The following PDE6D variants were observed in gnomAD, a reference collection of about 807,000 sequenced individuals.
PDE6D encodes the protein retinal rod rhodopsin-sensitive cGMP 3',5'-cyclic phosphodiesterase subunit delta.
Under a neutral mutation model 21.9 loss-of-function variants are expected in PDE6D, and 10 were observed. The observed-to-expected ratio is 0.46, with a 90% CI of 0.28 to 0.78. PDE6D has a LOEUF of 0.78. PDE6D is among the 30% of genes least tolerant of loss of function. The pLI is 0.12. For synonymous variants in PDE6D, 59 were observed against 63.5 expected (o/e 0.93, Z 0.34); for missense variants, 139 against 184.8 (o/e 0.75, Z 1.44).
chr2:231,746,517 C>T (rs1380322817), intron 1 of PDE6D, among the ~76,000 whole-genome samples: 1 of 152,152 alleles, frequency 6.6e-6, no homozygotes, highest in African/African-American at 2.4e-5. Context: ...AGATTGGACA[C>T]TCCTGTTAAA....
chr2:231,781,015 G>C, intron 1 of PDE6D, 50 bp downstream of exon 1: 1 of 1,535,892 alleles, frequency 6.5e-7, no homozygotes. Flanking sequence ...TCCTCAGTGA[G>C]CGGCCGCCTC....
intron 1 of PDE6D, among the ~76,000 whole-genome samples, chr2:231,765,171 G>C (rs1004629621): frequency 7.9e-5 from 12 of 151,834 alleles, no homozygotes; most frequent in African/African-American, 2.2e-4. Context: ...TACTCAGAAA[G>C]CTGAGGCAGG....
At chr2:231,770,755 C>T (rs544021524) in intron 1 of PDE6D, among the ~76,000 whole-genome samples, 17 of 152,214 alleles carry the variant, frequency 1.1e-4, no homozygotes, top group African/African-American at 3.1e-4. Flanking sequence ...GAGTTTGAGA[C>T]GGGTCTGGCC....
At chr2:231,775,508 A>T (rs1437381707) in intron 1 of PDE6D, among the ~76,000 whole-genome samples, 2 of 135,340 alleles carry the variant, frequency 1.5e-5, no homozygotes, top group African/African-American at 5.5e-5. Flanking sequence ...TTTTTTGTAG[A>T]GGCGGGGTCT....
At position 231,732,799 on chromosome 2, in the gene PDE6D, C is replaced by T; in HGVS notation, c.*153G>A. Reference sequence around the variant, plus strand: ...AAAAAGAGCCATCTGGTTACCTACACAGAGCTGGTCCCCTGGTGGCTGCAG... The same window carrying T: ...AAAAAGAGCCATCTGGTTACCTACATAGAGCTGGTCCCCTGGTGGCTGCAG... On this transcript the variant is annotated 3_prime_UTR_variant, in exon 5 of 5. Coordinates refer to ENST00000287600, the MANE Select transcript of PDE6D (RefSeq NM_002601.4). The T allele has an allele frequency of 1.6e-6, 1 of 633,350 alleles. No individual in the cohort carries two copies. The highest frequency in any genetic ancestry group is 2.6e-5 in the East Asian group (1 of 38,484). The allele number at this position is 633,350 out of a possible 1,614,324, so 39.2% of individuals were successfully genotyped here.
intron 1 of PDE6D, among the ~76,000 whole-genome samples, chr2:231,780,790 G>C (rs1225675378): frequency 6.6e-6 from 1 of 152,028 alleles, no homozygotes; most frequent in Non-Finnish European, 1.5e-5. Flanking sequence ...TCCGACGCCC[G>C]GCACCTCTCG....
In PDE6D at chr2:231,775,446, C is replaced by T. The variant is rs1388414683; in HGVS notation, c.50+5619G>A. ...CACCTCAGCCTCCCAGTAGCTGGGA[C>T]CACAAGCATGCACCACCACACCTGG... On this transcript the variant is annotated intron_variant, in intron 1 of 4. Transcript: ENST00000287600. Among the ~76,000 whole-genome samples the T allele has an allele frequency of 3.3e-5, 5 of 151,390 alleles. No homozygotes were observed. The East Asian group carries it at 7.8e-4, about 24-fold the overall frequency.
At chr2:231,756,879 CAAA>C (rs60172790) in intron 1 of PDE6D, among the ~76,000 whole-genome samples, 1 of 134,200 alleles carries the variant, frequency 7.5e-6, no homozygotes, top group South Asian at 2.3e-4. Flanking sequence ...TTTAAGTGCT[CAAA>C]AAAAAAAAAA....
chr2:231,754,727 C>T (rs926915647), intron 1 of PDE6D, among the ~76,000 whole-genome samples: 2 of 151,004 alleles, frequency 1.3e-5, no homozygotes, highest in African/African-American at 4.9e-5. Flanking sequence ...TGCAGCAAAA[C>T]TTATTCCAAA....
Position 231,781,082 on chromosome 2 carries a change from G to T in PDE6D, c.33C>A (p.Ile11=). 1 of 1,613,452 alleles carries T rather than the reference G, an allele frequency of 6.2e-7. No individual in the cohort carries two copies. Among genetic ancestry groups the T allele is most frequent in the Non-Finnish European group, 8.5e-7 (1 of 1,179,716 alleles). The part of the protein sequence containing the change: MSAKDERARE[I]LRGFKLNWMN... ...ACGGATACAGTTTGAAGCCCCTCAG[G>T]ATCTCCCTGGCCCGCTCGTCCTTGG... The change falls in exon 1 of 5, where the codon ATC becomes ATA. Residue 11 remains isoleucine, a synonymous_variant. Coordinates refer to ENST00000287600, the MANE Select transcript of PDE6D (RefSeq NM_002601.4).
At chr2:231,758,187 G>A (rs2048898263) in intron 1 of PDE6D, among the ~76,000 whole-genome samples, 1 of 152,186 alleles carries the variant, frequency 6.6e-6, no homozygotes, top group Non-Finnish European at 1.5e-5. Context: ...CAGATAGGTA[G>A]ATAGATAGTG....
intron 1 of PDE6D, among the ~76,000 whole-genome samples, chr2:231,746,433 G>A (rs2048794600): frequency 2.6e-5 from 4 of 152,150 alleles, no homozygotes; most frequent in Admixed American, 2.6e-4. Flanking sequence ...ATGAGCCACA[G>A]TGCCTGGCCC....
intron 1 of PDE6D, among the ~76,000 whole-genome samples, chr2:231,759,299 A>G (rs1217197522): frequency 6.6e-6 from 1 of 152,094 alleles, no homozygotes; most frequent in Non-Finnish European, 1.5e-5. Context: ...CTGGGCGACA[A>G]AGTGAGACCC....
chr2:231,737,184 C>G lies in PDE6D; in HGVS notation c.371+3G>C. ...CATAATTTCCTGAGACCTGCTCACT[C>G]ACGTTAAGACGCTTGCTGGCATCAT... On this transcript the variant is annotated splice_donor_region_variant and intron_variant, in intron 4 of 4. Coordinates refer to ENST00000287600, the MANE Select transcript of PDE6D (RefSeq NM_002601.4). 2 of 1,569,556 alleles carry G rather than the reference C, an allele frequency of 1.3e-6. No individual in the cohort carries two copies. The highest frequency in any genetic ancestry group is 1.8e-6 in the Non-Finnish European group (2 of 1,140,062).
intron 1 of PDE6D, among the ~76,000 whole-genome samples, chr2:231,769,476 C>T (rs2048998106): frequency 6.6e-6 from 1 of 152,060 alleles, no homozygotes; most frequent in Non-Finnish European, 1.5e-5. Flanking sequence ...GTAGCAGTGC[C>T]ACACATGGCA....
At chr2:231,754,389 C>T (rs956852573) in intron 1 of PDE6D, among the ~76,000 whole-genome samples, 4 of 150,384 alleles carry the variant, frequency 2.7e-5, no homozygotes, top group African/African-American at 4.9e-5. Context: ...CGGAGTCTCC[C>T]TCTGTTGCCC....
At chr2:231,775,861 A>G (rs2049052131) in intron 1 of PDE6D, among the ~76,000 whole-genome samples, 2 of 152,234 alleles carry the variant, frequency 1.3e-5, no homozygotes, top group Admixed American at 1.3e-4. Context: ...ACTACTCTGT[A>G]TCTTATACCA....
intron 1 of PDE6D, among the ~76,000 whole-genome samples, chr2:231,742,879 G>A (rs927332633): frequency 6.6e-6 from 1 of 152,150 alleles, no homozygotes; most frequent in African/African-American, 2.4e-5. Context: ...CAGGACTTTC[G>A]AGGGAGTTGG....
chr2:231,777,085 C>T (rs1047317908), intron 1 of PDE6D, among the ~76,000 whole-genome samples: 6 of 152,060 alleles, frequency 3.9e-5, no homozygotes, highest in African/African-American at 1.2e-4. Flanking sequence ...ACCTAGTCAA[C>T]GTGGAAAACT....
Sources: gnomAD v4.1 joint callset for allele counts (sites outside exome capture counted in the v4.1 genomes callset) on GRCh38, gnomAD v4.1.1 for gene constraint, MANE v1.5 for transcripts, NCBI Gene and HGNC (gene_info 2026-07-23, HGNC 2026-07-21) for gene names.